Variants in CLP1 observed in about 807,000 individuals in gnomAD.
CLP1 encodes polyribonucleotide 5'-hydroxyl-kinase Clp1.
Under a neutral mutation model 29.9 loss-of-function variants are expected in CLP1, and 18 were observed. That is an observed-to-expected ratio of 0.60 (90% CI 0.42 to 0.89). The LOEUF (loss-of-function observed/expected upper bound fraction) is 0.89, where lower values mean the gene tolerates loss of function less well. Ranked by LOEUF, CLP1 falls within the 40% of genes least tolerant of loss-of-function variation. The pLI, the probability that CLP1 is intolerant of heterozygous loss-of-function variation, is 0.00. For missense variants in CLP1, 357 were observed against 544.8 expected, an observed-to-expected ratio of 0.66 and a Z score of 3.43; for synonymous variants, 162 against 206.2, an observed-to-expected ratio of 0.79 and a Z score of 1.84.
rs752673529 is a variant in CLP1, at chr11:57,659,724, A to T, written c.248A>T (p.Tyr83Phe). 1.9e-6 allele frequency: 3 copies of T among 1,614,078 alleles called. No homozygotes were observed. The highest frequency in any genetic ancestry group is 2.5e-6 in the Non-Finnish European group (3 of 1,180,030). ...CTGAGCGGCCGCACTGAGGTGGCTT[A>T]TGTCTCCAAGGACACTCCTATGTTG... The part of the protein sequence containing the change: ...VQLSGRTEVA[Y>F]VSKDTPMLLY... The change falls in exon 2 of 3, where the codon TAT becomes TTT. Residue 83 changes from tyrosine to phenylalanine, a missense_variant. Transcript: ENST00000533682.
chr11:57,659,283 T>C, intron 1 of CLP1, 172 bp from the exon 2 acceptor site: 1 of 622,508 alleles, frequency 1.6e-6, no homozygotes, highest in Non-Finnish European at 2.8e-6. Context: ...GAGACAGGGT[T>C]TCACCATGTT....
At position 57,659,705 on chromosome 11, in the gene CLP1, G is replaced by A. The variant is rs763420366; in HGVS notation, c.229G>A (p.Gly77Ser). 2.2e-5 allele frequency: 35 copies of A among 1,613,968 alleles called. No individual in the cohort carries two copies. Among genetic ancestry groups the A allele is most frequent in the South Asian group, 3.3e-5 (3 of 91,078 alleles). ...TWHGCSVQLSGRTEVAYVSKD... is the reference protein window; with the variant it reads ...TWHGCSVQLSSRTEVAYVSKD... ...GCATGGCTGTTCTGTGCAACTGAGC[G>A]GCCGCACTGAGGTGGCTTATGTCTC... The change falls in exon 2 of 3, where the codon GGC (glycine) becomes AGC (serine). Residue 77 changes from glycine (G) to serine (S), a missense_variant. Physicochemically the swap from Gly to Ser is moderately conservative, Grantham distance 56 (BLOSUM62 0). Transcript: ENST00000533682.
intron 2 of CLP1, 28 bp from the exon 3 acceptor site, chr11:57,660,737 G>T (rs1945868230): frequency 6.5e-7 from 1 of 1,537,384 alleles, no homozygotes. Flanking sequence ...GGGTGTTTTT[G>T]TTCTTACCTT....
Position 57,660,911 on chromosome 11 carries a change from G to A in CLP1, c.753G>A (p.Val251=). 1 of 1,614,178 alleles carries A rather than the reference G, an allele frequency of 6.2e-7. No individual in the cohort carries two copies. The highest frequency in any genetic ancestry group is 1.1e-5 in the South Asian group (1 of 91,084). The part of the protein sequence containing the change: ...ALVHAASAFE[V]DVVVVLDQER... ...TGCATGCAGCCTCAGCTTTTGAGGT[G>A]GATGTCGTTGTTGTTCTGGATCAAG... is the stretch of plus-strand genomic sequence containing the variant. Residue 251 remains valine, a synonymous_variant, in exon 3 of 3, where the codon GTG becomes GTA. Transcript: ENST00000533682.
At chr11:57,660,425 C>T (rs1397360337) in intron 2 of CLP1, among the ~76,000 whole-genome samples, 1 of 152,084 alleles carries the variant, frequency 6.6e-6, no homozygotes, top group Non-Finnish European at 1.5e-5. Flanking sequence ...GAGGCTGAGA[C>T]GGGTGGATCA....
rs1199964764 is a variant in CLP1, at chr11:57,661,164, G to A, written c.1006G>A (p.Asp336Asn). 6.2e-7 allele frequency: 1 copy of A among 1,614,186 alleles called. No homozygotes were observed. Among genetic ancestry groups the A allele is most frequent in the Non-Finnish European group, 8.5e-7 (1 of 1,180,036 alleles). ...CAAAGTTGGGGCACCCACCATCCCA[G>A]ACTCCTGTTTACCTTTGGGCATGTC... ...IYKVGAPTIP[D>N]SCLPLGMSQE... Residue 336 changes from aspartate to asparagine, a missense_variant, in exon 3 of 3, where the codon GAC (aspartate) becomes AAC (asparagine). Physicochemically the swap from Asp to Asn is conservative, Grantham distance 23. Transcript: ENST00000533682.
chr11:57,659,245 G>A (rs532526194), intron 1 of CLP1, among the ~76,000 whole-genome samples: 1 of 151,514 alleles, frequency 6.6e-6, no homozygotes, highest in African/African-American at 2.4e-5. Flanking sequence ...CACCATGCCC[G>A]GCTAATTTTT....
chr11:57,658,489 C>G (rs182470114), intron 1 of CLP1, among the ~76,000 whole-genome samples: 79 of 152,166 alleles, frequency 5.2e-4, no homozygotes, highest in African/African-American at 1.9e-3. Context: ...ATGCCTAAGT[C>G]TTACATTTTG....
chr11:57,661,003 CTG>C lies in CLP1; in HGVS notation c.846_847del (p.Gly284CysfsTer13). 1 of 1,614,224 alleles carries C rather than the reference CTG, an allele frequency of 6.2e-7. No individual in the cohort carries two copies. Among genetic ancestry groups the C allele is most frequent in the South Asian group, 1.1e-5 (1 of 91,080 alleles). On this transcript the variant is annotated frameshift_variant, in exon 3 of 3. Coordinates refer to ENST00000533682, the MANE Select transcript of CLP1 (RefSeq NM_006831.3). LOFTEE classifies it high-confidence loss of function. ...GTACGCACTGTGCTGCTCCCTAAAT[CTG>C]GGGGTGTGGTGGAGCGCTCCAAGGA...
Position 57,659,554 on chromosome 11 carries a change from G to A in CLP1, c.78G>A (p.Glu26=), listed in dbSNP as rs750781928. Residue 26 remains glutamate (E), a synonymous_variant, in exon 2 of 3, where the codon GAG becomes GAA. Coordinates refer to ENST00000533682, the MANE Select transcript of CLP1 (RefSeq NM_006831.3). ...ELERETELRF[E]VEASQSVQLE... Reference sequence around the variant, plus strand: ...AGCGAGAAACAGAACTTCGCTTTGAGGTGGAGGCATCTCAGTCAGTTCAGT... The same window carrying A: ...AGCGAGAAACAGAACTTCGCTTTGAAGTGGAGGCATCTCAGTCAGTTCAGT... 3 of 1,614,184 alleles carry A rather than the reference G, an allele frequency of 1.9e-6. No individual in the cohort carries two copies. The highest frequency in any genetic ancestry group is 2.5e-6 in the Non-Finnish European group (3 of 1,180,018).
At chr11:57,658,740 C>T (rs1342489126) in intron 1 of CLP1, among the ~76,000 whole-genome samples, 7 of 152,074 alleles carry the variant, frequency 4.6e-5, no homozygotes, top group African/African-American at 1.7e-4. Flanking sequence ...TGGGTTCAAG[C>T]GATTCTCCTG....
intron 2 of CLP1, among the ~76,000 whole-genome samples, chr11:57,660,500 C>G (rs1945865174): frequency 6.6e-6 from 1 of 152,010 alleles, no homozygotes; most frequent in East Asian, 1.9e-4. Flanking sequence ...ACTAAAAATA[C>G]AAAAAGTAGC....
Position 57,660,946 on chromosome 11 carries a change from A to G in CLP1, c.788A>G (p.Tyr263Cys), listed in dbSNP as rs1316713595. 1.9e-6 allele frequency: 3 copies of G among 1,614,188 alleles called. No individual in the cohort carries two copies. Among genetic ancestry groups the G allele is most frequent in the Non-Finnish European group, 2.5e-6 (3 of 1,180,036 alleles). ...VVVVLDQERL[Y>C]NELKRDLPHF... Reference sequence around the variant, plus strand: ...GTTGTTCTGGATCAAGAACGACTGTACAATGAACTGAAACGGGACCTCCCC... The same window carrying G: ...GTTGTTCTGGATCAAGAACGACTGTGCAATGAACTGAAACGGGACCTCCCC... The change falls in exon 3 of 3, where the codon TAC becomes TGC. Residue 263 changes from tyrosine to cysteine, a missense_variant. By Grantham distance (194) the Tyr-to-Cys change is radical (BLOSUM62 -2). Transcript: ENST00000533682.
chr11:57,660,795 C>T lies in CLP1; in HGVS notation c.637C>T (p.Gln213Ter). 1 of 1,604,464 alleles carries T rather than the reference C, an allele frequency of 6.2e-7. No individual in the cohort carries two copies. The highest frequency in any genetic ancestry group is 1.1e-5 in the South Asian group (1 of 90,402). Reference protein sequence around the residue: ...ITSRLADVFNQRCEVNRRASV... With the variant: ...ITSRLADVFN ...ATCTCGTTTAGCAGATGTGTTCAAC[C>T]AAAGGTGTGAGGTGAACCGAAGGGC... Residue 213 changes from glutamine (Q) to a stop codon, truncating the protein, a stop_gained, in exon 3 of 3, where the codon CAA becomes TAA. Transcript: ENST00000533682. LOFTEE classifies it high-confidence loss of function.
Position 57,661,527 on chromosome 11 carries a change from A to G in CLP1, c.*91A>G. On this transcript the variant is annotated 3_prime_UTR_variant, in exon 3 of 3. Coordinates refer to ENST00000533682, the MANE Select transcript of CLP1 (RefSeq NM_006831.3). ...GCTGAGATAAAAGACTGTTGGGGCC[A>G]CCTGACCAGTAAACTGTGGACTAGT... is the stretch of plus-strand genomic sequence containing the variant. 9.5e-7 allele frequency: 1 copy of G among 1,049,302 alleles called. No individual in the cohort carries two copies. The highest frequency in any genetic ancestry group is 1.4e-6 in the Non-Finnish European group (1 of 716,364). The allele number at this position is 1,049,302 out of a possible 1,614,324, so 65.0% of individuals were successfully genotyped here. A position where few individuals can be genotyped will look rare whatever the true frequency, so the allele number is the denominator to read the frequency against.
In CLP1 at chr11:57,660,024, C is replaced by G; in HGVS notation, c.548C>G (p.Pro183Arg). 3 of 1,609,408 alleles carry G rather than the reference C, an allele frequency of 1.9e-6. No homozygotes were observed. Among genetic ancestry groups the G allele is most frequent in the Non-Finnish European group, 2.5e-6 (3 of 1,177,270 alleles). Reference protein sequence around the residue: ...DVEEGFSIQAPLVYHFGSTTP... With the variant: ...DVEEGFSIQARLVYHFGSTTP... ...GAAGAGGGTTTCTCTATCCAGGCCC[C>G]TCTGGTGTATCATTTTGGTTCCACC... Residue 183 changes from proline to arginine, a missense_variant, in exon 2 of 3, where the codon CCT becomes CGT. By Grantham distance (103) the Pro-to-Arg change is moderately radical. Transcript: ENST00000533682.
intron 1 of CLP1, 70 bp from the exon 2 acceptor site, chr11:57,659,385 G>A: frequency 6.9e-7 from 1 of 1,453,798 alleles, no homozygotes; most frequent in Non-Finnish European, 9.4e-7. Flanking sequence ...CACCATGCCT[G>A]GCCCCATTGG....
chr11:57,658,469 TCAAA>T (rs1406628443), intron 1 of CLP1, among the ~76,000 whole-genome samples: 12 of 152,114 alleles, frequency 7.9e-5, no homozygotes, highest in Non-Finnish European at 1.5e-4. Context: ...GTATATAGTA[TCAAA>T]CAAAAATGCC....
At chr11:57,658,705 C>T (rs570098974) in intron 1 of CLP1, among the ~76,000 whole-genome samples, 108 of 152,208 alleles carry the variant, frequency 7.1e-4, no homozygotes, top group African/African-American at 2.6e-3. Flanking sequence ...TCTCGCCTCA[C>T]TGCAACCCTG....
Sources: gnomAD v4.1 joint callset for allele counts (sites outside exome capture counted in the v4.1 genomes callset) on GRCh38, gnomAD v4.1.1 for gene constraint, MANE v1.5 for transcripts, NCBI Gene and HGNC (gene_info 2026-07-23, HGNC 2026-07-21) for gene names.